ABCA8: variants seen among roughly 807,000 people sequenced by gnomAD.
ABCA8 encodes the protein ATP binding cassette subfamily A member 8.
A neutral mutation model predicts 192.3 loss-of-function variants in ABCA8; 177 were observed. That is an observed-to-expected ratio of 0.92 (90% CI 0.81 to 1.04). ABCA8 has a LOEUF of 1.04. ABCA8 is among the 50% of genes least tolerant of loss of function. The pLI is 0.00. For missense variants in ABCA8, 1,915 were observed against 1,904.8 expected (o/e 1.01, Z -0.10); for synonymous variants, 642 against 690.2 (o/e 0.93, Z 1.09).
intron 14 of ABCA8, 104 bp from the exon 15 acceptor site, chr17:68,918,650 TG>T: frequency 8.2e-7 from 1 of 1,215,350 alleles, no homozygotes; most frequent in East Asian, 2.7e-5. Flanking sequence ...GCACAAACAC[TG>T]GGTCAGGCGC....
chr17:68,923,207 T>TTA (rs199704778), intron 11 of ABCA8, among the ~76,000 whole-genome samples: 8 of 76,940 alleles, frequency 1.0e-4, no homozygotes, highest in Admixed American at 5.4e-4. Flanking sequence ...ATTATTATTA[T>TTA]TTTTTTTTTT....
chr17:68,942,174 A>G, intron 2 of ABCA8, 135 bp from the exon 3 acceptor site: 1 of 641,220 alleles, frequency 1.6e-6, no homozygotes, highest in South Asian at 2.0e-5. Flanking sequence ...AGTGTTCCCA[A>G]GTCAGCATTG....
Position 68,877,668 on chromosome 17 carries a change from T to C in ABCA8, c.4050A>G (p.Lys1350=), listed in dbSNP as rs1488305823. 1.2e-6 allele frequency: 2 copies of C among 1,610,290 alleles called. No homozygotes were observed. The highest frequency in any genetic ancestry group is 1.7e-6 in the Non-Finnish European group (2 of 1,177,872). Residue 1350 remains lysine (K), a synonymous_variant, in exon 33 of 40, where the codon AAA becomes AAG. Coordinates refer to ENST00000586539, the MANE Select transcript of ABCA8 (RefSeq NM_001288985.2). ...CCAGGGCATCCCCTCCACCGCTCCC[T>C]TTCAGTAGCACCTGCAGATGAAAGT... is the stretch of plus-strand genomic sequence containing the variant. ...TKPTAGQVLL[K]GSGGGDALEF...
At chr17:68,913,321 A>G (rs146489351) in intron 17 of ABCA8, among the ~76,000 whole-genome samples, 1 of 152,138 alleles carries the variant, frequency 6.6e-6, no homozygotes, top group East Asian at 1.9e-4. Flanking sequence ...AAACAACCTA[A>G]CGACACTTCT....
chr17:68,886,735 C>T (rs2066469979), intron 26 of ABCA8: 1 of 177,570 alleles, frequency 5.6e-6, no homozygotes, highest in African/African-American at 2.4e-5. Flanking sequence ...TAATAACTTA[C>T]CTTTTGGCAT....
chr17:68,883,713 T>G, intron 29 of ABCA8, 78 bp downstream of exon 29: 2 of 945,030 alleles, frequency 2.1e-6, no homozygotes, highest in Non-Finnish European at 3.2e-6. Flanking sequence ...CACCTCTTTG[T>G]TAATGAATTG....
intron 27 of ABCA8, 120 bp downstream of exon 27, chr17:68,885,076 G>A: frequency 8.1e-7 from 1 of 1,238,170 alleles, no homozygotes; most frequent in Non-Finnish European, 1.1e-6. Flanking sequence ...GATTCCGTCA[G>A]GCAGAAATCT....
intron 17 of ABCA8, 32 bp from the exon 18 acceptor site, chr17:68,907,911 G>C: frequency 6.5e-7 from 1 of 1,527,958 alleles, no homozygotes; most frequent in East Asian, 2.3e-5. Flanking sequence ...AAAGACATAT[G>C]TTACTCGACA....
In ABCA8 at chr17:68,907,894, A is replaced by C; in HGVS notation, c.2139-15T>G. On this transcript the variant is annotated splice_polypyrimidine_tract_variant and intron_variant, in intron 17 of 39. Coordinates refer to ENST00000586539, the MANE Select transcript of ABCA8 (RefSeq NM_001288985.2). ...TTAACTGCAAGCTGGCATTCAGAAAAAAAAAAAAAGACATATGTTACTCGA... is the reference window on the plus strand; with the variant it reads ...TTAACTGCAAGCTGGCATTCAGAAACAAAAAAAAAGACATATGTTACTCGA... 6 of 1,563,186 alleles carry C rather than the reference A, an allele frequency of 3.8e-6. No homozygotes were observed. The highest frequency in any genetic ancestry group is 4.3e-6 in the Non-Finnish European group (5 of 1,160,254).
chr17:68,868,712 T>C (rs1598169460), intron 38 of ABCA8, among the ~76,000 whole-genome samples: 2 of 152,126 alleles, frequency 1.3e-5, no homozygotes, highest in South Asian at 2.1e-4. Flanking sequence ...CAGAAGATTA[T>C]GGAGAAGGAT....
Position 68,868,101 on chromosome 17 carries a change from G to C in ABCA8, c.4850C>G (p.Pro1617Arg). The change falls in exon 40 of 40, where the codon CCC becomes CGC. Residue 1617 changes from proline (P) to arginine (R), a missense_variant. Pro to Arg is a moderately radical substitution (Grantham distance 103). Transcript: ENST00000586539. ...FDPSVKWKLL[P>R]QEEP ...TTTGGGGTTTTAAGGCTCTTCCTGG[G>C]GGAGGAGCTTCCACTTCACTGAGGG... 1.2e-6 allele frequency: 2 copies of C among 1,612,066 alleles called. No individual in the cohort carries two copies. Among genetic ancestry groups the C allele is most frequent in the Non-Finnish European group, 8.5e-7 (1 of 1,179,104 alleles).
intron 11 of ABCA8, among the ~76,000 whole-genome samples, chr17:68,924,344 C>CA (rs71293545): frequency 0.52 from 68,504 of 130,680 alleles, 16,980 homozygotes; most frequent in Non-Finnish European, 0.58. Context: ...AAAATTCCGT[C>CA]AAAAAAAAAA....
At chr17:68,887,192 G>A in intron 25 of ABCA8, 62 bp from the exon 26 acceptor site, 8 of 1,389,194 alleles carry the variant, frequency 5.8e-6, no homozygotes, top group Non-Finnish European at 6.9e-6. Context: ...AAATATTTAG[G>A]ATTCAAAACA....
chr17:68,884,943 G>T, intron 27 of ABCA8: 1 of 751,608 alleles, frequency 1.3e-6, no homozygotes, highest in Non-Finnish European at 1.6e-6. Flanking sequence ...GGCCCCACAT[G>T]AGTATAAGGA....
chr17:68,887,016 C>A lies in ABCA8; in HGVS notation c.3429+1G>T. On this transcript the variant is annotated splice_donor_variant, in intron 26 of 39. Coordinates refer to ENST00000586539, the MANE Select transcript of ABCA8 (RefSeq NM_001288985.2). LOFTEE classifies it high-confidence loss of function. ...TATACATCCACAAGAAATATACTTA[C>A]AACATAGAAACAAAATGACCAAATG... 1 of 1,581,524 alleles carries A rather than the reference C, an allele frequency of 6.3e-7. No homozygotes were observed. Among genetic ancestry groups the A allele is most frequent in the Non-Finnish European group, 8.7e-7 (1 of 1,151,704 alleles).
chr17:68,940,633 T>G, intron 4 of ABCA8, 125 bp downstream of exon 4: 1 of 824,270 alleles, frequency 1.2e-6, no homozygotes. Flanking sequence ...GAAGACACAT[T>G]CCCAATTCAT....
intron 17 of ABCA8, among the ~76,000 whole-genome samples, chr17:68,910,638 C>G (rs916082142): frequency 2.0e-5 from 3 of 152,124 alleles, no homozygotes; most frequent in Non-Finnish European, 4.4e-5. Context: ...CACCCCCTCC[C>G]CCAACACCAG....
intron 32 of ABCA8, 27 bp from the exon 33 acceptor site, chr17:68,877,706 C>A: frequency 1.3e-6 from 2 of 1,598,630 alleles, no homozygotes; most frequent in Non-Finnish European, 1.7e-6. Context: ...CCTCTCAGAA[C>A]CTACCTTCTG....
At chr17:68,887,896 A>ATATATATATG (rs2066512451) in intron 24 of ABCA8, among the ~76,000 whole-genome samples, 1 of 44,334 alleles carries the variant, frequency 2.3e-5, no homozygotes, top group Non-Finnish European at 3.4e-5. Flanking sequence ...ATATATATAT[A>ATATATATATG]TATATATATA....
Sources: allele counts gnomAD v4.1 joint callset (sites outside exome capture counted in the v4.1 genomes callset), GRCh38; gene constraint gnomAD v4.1.1; transcripts MANE v1.5; gene names NCBI Gene and HGNC (gene_info 2026-07-23, HGNC 2026-07-21).